The following ANKRD36B variants were observed in gnomAD, a reference collection of about 807,000 sequenced individuals.
ANKRD36B encodes the protein ankyrin repeat domain-containing protein 36B.
ANKRD36B carries 37 observed loss-of-function variants against 135.7 expected under a neutral mutation model. The observed-to-expected ratio is 0.27, with a 90% CI of 0.21 to 0.36. The LOEUF (loss-of-function observed/expected upper bound fraction) is 0.36, where lower values mean the gene tolerates loss of function less well. Among genes scored for constraint, ANKRD36B ranks in the 10% least tolerant of loss-of-function variants. The probability of loss-of-function intolerance (pLI) is 1.00; values close to 1 mark genes in which losing one functional copy is unlikely to be tolerated. For synonymous variants in ANKRD36B, 179 were observed against 348.1 expected, an observed-to-expected ratio of 0.51 and a Z score of 5.41; for missense variants, 549 against 1,037.1, an observed-to-expected ratio of 0.53 and a Z score of 6.46.
rs1447678804 is a variant in ANKRD36B at position 97,535,537 on chromosome 2, T to G, written c.2191+763A>C. Among the ~76,000 whole-genome samples, 2 of 118,006 alleles carry G rather than the reference T, an allele frequency of 1.7e-5. 1 individual carries two copies. The highest frequency in any genetic ancestry group is 4.3e-5 in the Non-Finnish European group (2 of 46,230). 77.4% of individuals were successfully genotyped at this position (118,006 alleles called of 152,430 possible). A position where few individuals can be genotyped will look rare whatever the true frequency, so the allele number is the denominator to read the frequency against. On this transcript the variant is annotated intron_variant, in intron 34 of 43. Coordinates refer to ENST00000359901, the MANE Select transcript of ANKRD36B (RefSeq NM_001393939.1). Reference sequence around the variant, plus strand: ...CAGTGTGCTAATCAGAACATCCGATTGGCTTAATATAATAAGTGTAACAAA... The same window carrying G: ...CAGTGTGCTAATCAGAACATCCGATGGGCTTAATATAATAAGTGTAACAAA...
chr2:97,562,796 G>A (rs1326603061), intron 6 of ANKRD36B, among the ~76,000 whole-genome samples: 1 of 151,990 alleles, frequency 6.6e-6, no homozygotes, highest in East Asian at 1.9e-4. Flanking sequence ...AATGTTAAAT[G>A]TGTCAGACAC....
intron 6 of ANKRD36B, among the ~76,000 whole-genome samples, chr2:97,569,727 G>A (rs896185383): frequency 1.3e-5 from 2 of 152,018 alleles, no homozygotes; most frequent in Admixed American, 6.6e-5. Flanking sequence ...TTAAAATAAA[G>A]TTGTTAATTT....
At chr2:97,514,629 T>G (rs377302288) in intron 37 of ANKRD36B, among the ~76,000 whole-genome samples, 1,134 of 65,292 alleles carry the variant, frequency 0.017, 46 homozygotes, top group East Asian at 0.063. Flanking sequence ...AGGTTAAGAA[T>G]GTAATATGTT....
intron 22 of ANKRD36B, 37 bp downstream of exon 22, chr2:97,547,499 G>T (rs767264009): frequency 1.1e-5 from 17 of 1,525,726 alleles, no homozygotes; most frequent in Non-Finnish European, 1.5e-5. Context: ...TTATCTACCC[G>T]GACTGAACAT....
intron 8 of ANKRD36B, among the ~76,000 whole-genome samples, chr2:97,559,991 T>C (rs1577003973): frequency 6.6e-6 from 1 of 151,898 alleles, no homozygotes; most frequent in Admixed American, 6.6e-5. Flanking sequence ...TGATGCCTAA[T>C]AGTAACAAAG....
chr2:97,585,876 C>T (rs1316965563), intron 1 of ANKRD36B, among the ~76,000 whole-genome samples: 1 of 152,172 alleles, frequency 6.6e-6, no homozygotes, highest in Non-Finnish European at 1.5e-5. Context: ...TTAGATGTAT[C>T]ATTGTATTTC....
chr2:97,570,988 C>T (rs1213145059), intron 6 of ANKRD36B, among the ~76,000 whole-genome samples: 5 of 152,118 alleles, frequency 3.3e-5, no homozygotes, highest in African/African-American at 4.8e-5. Context: ...TGTATTTCTG[C>T]ATGAATAAAT....
rs1434796745 is a variant in ANKRD36B at position 97,585,534 on chromosome 2, A to G, written c.162-136T>C. The G allele has an allele frequency of 5.3e-6, 7 of 1,315,184 alleles. No homozygotes were observed. In the African/African-American group the frequency reaches 9.0e-5, roughly 17 times the overall value. The allele number at this position is 1,315,184 out of a possible 1,614,324, so 81.5% of individuals were successfully genotyped here. On this transcript the variant is annotated intron_variant, in intron 1 of 43. Transcript: ENST00000359901. ...TTTGTTAGCGCTTATTACTCACCACATTAATGAAAGAGCAGGCTATTTAAT... is the reference window on the plus strand; with the variant it reads ...TTTGTTAGCGCTTATTACTCACCACGTTAATGAAAGAGCAGGCTATTTAAT...
In ANKRD36B at chr2:97,566,457, T is replaced by C. The variant is rs542416606; in HGVS notation, c.764-5597A>G. Among the ~76,000 whole-genome samples the C allele has an allele frequency of 5.3e-5, 8 of 152,320 alleles. No individual in the cohort carries two copies. The East Asian group carries it at 5.8e-4, about 11-fold the overall frequency. ...TCTTTAGAAACATACTTGGAGGCTATACTAAAATTATTATTTATACTATTT... is the reference window on the plus strand; with the variant it reads ...TCTTTAGAAACATACTTGGAGGCTACACTAAAATTATTATTTATACTATTT... On this transcript the variant is annotated intron_variant, in intron 6 of 43. Coordinates refer to ENST00000359901, the MANE Select transcript of ANKRD36B (RefSeq NM_001393939.1).
At chr2:97,578,822 C>A in intron 5 of ANKRD36B, 84 bp downstream of exon 5, 5 of 1,501,418 alleles carry the variant, frequency 3.3e-6, no homozygotes, top group Non-Finnish European at 4.5e-6. Flanking sequence ...ACTATGCAAT[C>A]TCACCTGATA....
intron 12 of ANKRD36B, among the ~76,000 whole-genome samples, chr2:97,555,476 A>G (rs565306964): frequency 6.6e-6 from 1 of 152,036 alleles, no homozygotes; most frequent in South Asian, 2.1e-4. Flanking sequence ...ATGATTTTTC[A>G]TATGTCTAAA....
intron 22 of ANKRD36B, among the ~76,000 whole-genome samples, chr2:97,546,751 C>A (rs1274257261): frequency 2.0e-5 from 3 of 151,692 alleles, no homozygotes; most frequent in Non-Finnish European, 4.4e-5. Context: ...AAAGAAGTTT[C>A]ATGAAATAGC....
intron 40 of ANKRD36B, among the ~76,000 whole-genome samples, chr2:97,508,881 A>C (rs1204619872): frequency 9.2e-6 from 1 of 109,072 alleles, no homozygotes; most frequent in Non-Finnish European, 2.6e-5. Context: ...CAAACATCTC[A>C]AACCCATCCT....
At position 97,533,084 on chromosome 2, in the gene ANKRD36B, C is replaced by T. The variant is rs2104468841; in HGVS notation, c.2192-700G>A. ...TCATTATTAATCATTTCCAAAATGA[C>T]TGCTACTGTTTACACTTTCATCAAT... On this transcript the variant is annotated intron_variant, in intron 34 of 43. Transcript: ENST00000359901. 2.1e-5 allele frequency among the ~76,000 whole-genome samples: 2 copies of T among 97,370 alleles called. 1 individual carries two copies. The highest frequency in any genetic ancestry group is 4.6e-4 in the East Asian group (2 of 4,364). 63.9% of individuals were successfully genotyped at this position (97,370 alleles called of 152,430 possible).
At chr2:97,568,884 A>C (rs535227614) in intron 6 of ANKRD36B, among the ~76,000 whole-genome samples, 2 of 152,338 alleles carry the variant, frequency 1.3e-5, no homozygotes, top group East Asian at 3.9e-4. Context: ...GAACCTAGTT[A>C]TAAGTGAGTC....
At position 97,539,321 on chromosome 2, in the gene ANKRD36B, T is replaced by A. The variant is rs1222375339; in HGVS notation, c.1987+713A>T. Among the ~76,000 whole-genome samples the A allele has an allele frequency of 7.2e-5, 7 of 97,052 alleles. 1 individual carries two copies. Among genetic ancestry groups the A allele is most frequent in the African/African-American group, 2.2e-4 (7 of 32,388 alleles). The allele number at this position is 97,052 out of a possible 152,430, so 63.7% of individuals were successfully genotyped here. On this transcript the variant is annotated intron_variant, in intron 30 of 43. Transcript: ENST00000359901. Reference sequence around the variant, plus strand: ...GCCAATATATGCATATTCATGTTTATTTCATTTGAATAACTAATATCAACA... The same window carrying A: ...GCCAATATATGCATATTCATGTTTAATTCATTTGAATAACTAATATCAACA...
chr2:97,576,954 C>T (rs911427038), intron 5 of ANKRD36B, among the ~76,000 whole-genome samples: 1 of 151,964 alleles, frequency 6.6e-6, no homozygotes, highest in Non-Finnish European at 1.5e-5. Flanking sequence ...TTCATAGGTT[C>T]TAATATTCAA....
chr2:97,548,601 G>A (rs1179403645), intron 20 of ANKRD36B, among the ~76,000 whole-genome samples: 5 of 151,982 alleles, frequency 3.3e-5, no homozygotes, highest in African/African-American at 1.2e-4. Flanking sequence ...GGAGTATCAT[G>A]TTGTTCTCTA....
Position 97,525,873 on chromosome 2 carries a change from G to T in ANKRD36B, c.2266-2406C>A, listed in dbSNP as rs1576817992. ...GGGAGGGGCGCCTGCCATTGCCCAG[G>T]CTTGCTTAGGTAAACAAAGCAGCTG... On this transcript the variant is annotated intron_variant, in intron 35 of 43. Transcript: ENST00000359901. Among the ~76,000 whole-genome samples, 3 of 98,204 alleles carry T rather than the reference G, an allele frequency of 3.1e-5. 1 individual carries two copies. In the South Asian group the frequency reaches 7.0e-4, roughly 23 times the overall value. 64.4% of individuals were successfully genotyped at this position (98,204 alleles called of 152,430 possible).
Sources: gnomAD v4.1 joint callset for allele counts (sites outside exome capture counted in the v4.1 genomes callset) on GRCh38, gnomAD v4.1.1 for gene constraint, MANE v1.5 for transcripts, NCBI Gene and HGNC (gene_info 2026-07-23, HGNC 2026-07-21) for gene names.